Variants in MAP4 observed in about 807,000 individuals in gnomAD.
The protein encoded by MAP4 is microtubule associated protein 4, also known as microtubule-associated protein 4.
A neutral mutation model predicts 170.2 loss-of-function variants in MAP4; 76 were observed. The observed-to-expected ratio is 0.45, with a 90% CI of 0.37 to 0.54. MAP4 has a LOEUF of 0.54. Among genes scored for constraint, MAP4 ranks in the 20% least tolerant of loss-of-function variants. MAP4 has a pLI of 0.00. For synonymous variants in MAP4, 909 were observed against 994.5 expected, an observed-to-expected ratio of 0.91 and a Z score of 1.62; for missense variants, 2,506 against 2,748.0, an observed-to-expected ratio of 0.91 and a Z score of 1.97.
chr3:47,950,413 T>G (rs1195025590), intron 3 of MAP4, among the ~76,000 whole-genome samples: 1 of 152,152 alleles, frequency 6.6e-6, no homozygotes, highest in East Asian at 1.9e-4. Flanking sequence ...CTAAGCACCT[T>G]GCCAATGGGA....
rs575522898 is a variant in MAP4 at position 47,874,772 on chromosome 3, A to G, written c.5757+913T>C. Among the ~76,000 whole-genome samples, 10 of 152,350 alleles carry G rather than the reference A, an allele frequency of 6.6e-5. No individual in the cohort carries two copies. In the South Asian group the frequency reaches 2.1e-3, roughly 32 times the overall value. On this transcript the variant is annotated intron_variant, in intron 12 of 20. Coordinates refer to ENST00000683076, the MANE Select transcript of MAP4 (RefSeq NM_001385682.1). Reference sequence around the variant, plus strand: ...GATTTTATCATTACTAGTTTATGAGAGGATTTTTCAGTTTCTTGGCCAGGG... The same window carrying G: ...GATTTTATCATTACTAGTTTATGAGGGGATTTTTCAGTTTCTTGGCCAGGG...
intron 17 of MAP4, among the ~76,000 whole-genome samples, chr3:47,866,941 G>A (rs2081480174): frequency 1.3e-5 from 2 of 152,160 alleles, no homozygotes; most frequent in South Asian, 2.1e-4. Context: ...CAGGCAACAG[G>A]TCTGCTGCTG....
chr3:47,958,978 G>A (rs1316356443), intron 3 of MAP4, among the ~76,000 whole-genome samples: 5 of 151,868 alleles, frequency 3.3e-5, no homozygotes, highest in Non-Finnish European at 7.4e-5. Context: ...CACCGCACCC[G>A]CCTTGAAATT....
chr3:48,066,822 C>CTT lies in MAP4; in HGVS notation c.-20+21949_-20+21950dup, dbSNP rs55939839. On this transcript the variant is annotated intron_variant, in intron 1 of 18. Coordinates refer to the MAP4 transcript ENST00000360240. ...TCTCTAAATGAAACATCTCTAATTCCTTTTTTTTTTTTTTTTTTTTTTTTT... is the reference window on the plus strand; with the variant it reads ...TCTCTAAATGAAACATCTCTAATTCCTTTTTTTTTTTTTTTTTTTTTTTTTTT... Among the ~76,000 whole-genome samples the CTT allele has an allele frequency of 5.3e-4, 35 of 65,834 alleles. 3 individuals carry two copies. The highest frequency in any genetic ancestry group is 7.4e-4 in the Non-Finnish European group (28 of 37,858). 43.2% of individuals were successfully genotyped at this position (65,834 alleles called of 152,430 possible). A position where few individuals can be genotyped will look rare whatever the true frequency, so the allele number is the denominator to read the frequency against.
intron 10 of MAP4, chr3:47,891,300 ATTC>A: frequency 2.6e-6 from 4 of 1,536,172 alleles, no homozygotes; most frequent in Middle Eastern, 1.7e-4. Context: ...AAGTGAGCCA[ATTC>A]TTCTCTCTTC....
intron 16 of MAP4, among the ~76,000 whole-genome samples, chr3:47,868,685 A>G (rs2085059326): frequency 6.6e-6 from 1 of 152,200 alleles, no homozygotes; most frequent in Admixed American, 6.5e-5. Context: ...TACCTATACT[A>G]AGTGGGTTTC....
At chr3:48,087,800 A>G (rs555582318) in intron 1 of MAP4, among the ~76,000 whole-genome samples, 1 of 151,916 alleles carries the variant, frequency 6.6e-6, no homozygotes, top group African/African-American at 2.4e-5. Flanking sequence ...CTGCAATGCT[A>G]TGCAACCAGG....
chr3:47,920,747 T>A (rs2100042400), intron 5 of MAP4, among the ~76,000 whole-genome samples: 1 of 151,972 alleles, frequency 6.6e-6, no homozygotes, highest in Admixed American at 6.6e-5. Flanking sequence ...GGACAGGATC[T>A]CCCTATGTTG....
chr3:47,965,804 A>G (rs369548039), intron 3 of MAP4, among the ~76,000 whole-genome samples: 1 of 152,188 alleles, frequency 6.6e-6, no homozygotes, highest in Non-Finnish European at 1.5e-5. Flanking sequence ...CTGAGAAGAT[A>G]TAAGATTTGC....
intron 3 of MAP4, among the ~76,000 whole-genome samples, chr3:47,947,684 G>A (rs1475727881): frequency 6.6e-6 from 1 of 151,416 alleles, no homozygotes; most frequent in African/African-American, 2.4e-5. Flanking sequence ...GGTGGTGGGC[G>A]CCTGTAGTCC....
chr3:48,034,524 G>A (rs1323852821), intron 1 of MAP4, among the ~76,000 whole-genome samples: 1 of 151,840 alleles, frequency 6.6e-6, no homozygotes, highest in African/African-American at 2.4e-5. Flanking sequence ...CCAACATAGT[G>A]AAACCCCGTC....
At position 47,911,953 on chromosome 3, in the gene MAP4, T is replaced by C. The variant is rs2100036172; in HGVS notation, c.2468A>G (p.Tyr823Cys). The change falls in exon 9 of 21, where the codon TAT becomes TGT. Residue 823 changes from tyrosine to cysteine, a missense_variant. By Grantham distance (194) the Tyr-to-Cys change is radical. This residue lies in a region of MAP4 where 2,008 missense variants were observed against 2,206.0 expected (regional missense o/e 0.91). Transcript: ENST00000683076. This position sits in a 1 kb window ranked among gnomAD's most constrained non-coding sequence, Gnocchi z 4.0. ...CAAGTTTTCTCCAGATACAAGTCCA[T>C]ATTCTGTACCCATAGTGGTAGGCTG... ...PSQPTTMGTE[Y>C]GLVSGENLKR... The C allele has an allele frequency of 6.5e-7, 1 of 1,536,144 alleles. No homozygotes were observed. Among genetic ancestry groups the C allele is most frequent in the Non-Finnish European group, 8.7e-7 (1 of 1,146,910 alleles).
At chr3:47,884,551 G>T (rs1001688931) in intron 10 of MAP4, among the ~76,000 whole-genome samples, 2 of 152,102 alleles carry the variant, frequency 1.3e-5, no homozygotes, top group African/African-American at 4.8e-5. Flanking sequence ...TGCATTTATG[G>T]CCTGTTGTGT....
chr3:47,875,871 A>C lies in MAP4; in HGVS notation c.5571T>G (p.Thr1857=), dbSNP rs1271607555. Residue 1857 remains threonine, a synonymous_variant, in exon 12 of 21, where the codon ACT becomes ACG. Transcript: ENST00000683076. ...KPLATTQPAK[T]STSKAKTQPT... is the part of the protein sequence containing the mutation. ...GCTGTGTTTTGGCTTTCGATGTTGAAGTCTTTGCAGGTTGAGTGGTGGCCA... is the reference window on the plus strand; with the variant it reads ...GCTGTGTTTTGGCTTTCGATGTTGACGTCTTTGCAGGTTGAGTGGTGGCCA... 1 of 1,612,404 alleles carries C rather than the reference A, an allele frequency of 6.2e-7. No homozygotes were observed. The highest frequency in any genetic ancestry group is 1.7e-5 in the Admixed American group (1 of 59,284).
rs117486403 is a variant in MAP4 at position 47,965,995 on chromosome 3, T to C, written c.292+11870A>G. Among the ~76,000 whole-genome samples, 149 of 152,196 alleles carry C rather than the reference T, an allele frequency of 9.8e-4. 4 individuals carry two copies. In the East Asian group the frequency reaches 0.028, roughly 28 times the overall value. On this transcript the variant is annotated intron_variant, in intron 3 of 20. Transcript: ENST00000683076. ...TCCCTCTATGTTTTCTTCTAAGAAA[T>C]GTATAGCCTTGGTGCTTTGTTTAGG...
At chr3:47,871,800 G>T in intron 13 of MAP4, 117 bp downstream of exon 13, 4 of 947,454 alleles carry the variant, frequency 4.2e-6, no homozygotes, top group Non-Finnish European at 6.3e-6. Flanking sequence ...ACTAAGGACC[G>T]GTGCGTAAGC....
intron 1 of MAP4, among the ~76,000 whole-genome samples, chr3:48,078,688 C>T (rs1244871346): frequency 6.6e-6 from 1 of 152,074 alleles, no homozygotes; most frequent in Non-Finnish European, 1.5e-5. Flanking sequence ...CCTTCCTAAA[C>T]TGAGAAATCA....
rs778877820 is a variant in MAP4 at position 47,909,295 on chromosome 3, G to A, written c.5126C>T (p.Ala1709Val). The part of the protein sequence containing the change: ...SKVEAPPSEV[A>V]DTLVIMTASK... Reference sequence around the variant, plus strand: ...AGCAGTCATTATTACTAACGTATCCGCCACCTCTGAAGGAGGAGCTTCGAC... The same window carrying A: ...AGCAGTCATTATTACTAACGTATCCACCACCTCTGAAGGAGGAGCTTCGAC... The change falls in exon 9 of 21, where the codon GCG becomes GTG. Residue 1709 changes from alanine to valine, a missense_variant. By Grantham distance (64) the Ala-to-Val change is moderately conservative. Around this residue, in one of 3 missense-constraint regions of MAP4, gnomAD observed 2,008 missense variants for 2,206.0 expected, o/e 0.91. Coordinates refer to ENST00000683076, the MANE Select transcript of MAP4 (RefSeq NM_001385682.1). 58 of 1,613,750 alleles carry A rather than the reference G, an allele frequency of 3.6e-5. No individual in the cohort carries two copies. Among genetic ancestry groups the A allele is most frequent in the African/African-American group, 1.6e-4 (12 of 75,002 alleles).
At chr3:47,905,564 A>G (rs1403426934) in intron 9 of MAP4, among the ~76,000 whole-genome samples, 2 of 152,048 alleles carry the variant, frequency 1.3e-5, no homozygotes, top group South Asian at 4.1e-4. Flanking sequence ...AAAACCCCAC[A>G]AACAAGCAAA....
Sources: allele counts gnomAD v4.1 joint callset (sites outside exome capture counted in the v4.1 genomes callset), GRCh38; gene constraint gnomAD v4.1.1; regional missense constraint gnomAD v4.1.1; non-coding constraint Gnocchi (gnomAD v3.1); transcripts MANE v1.5; gene names NCBI Gene and HGNC (gene_info 2026-07-23, HGNC 2026-07-21).